The following DNAJC5B variants were observed in gnomAD, a reference collection of about 807,000 sequenced individuals.
DNAJC5B encodes the protein DnaJ heat shock protein family (Hsp40) member C5 beta, also known as dnaJ homolog subfamily C member 5B.
DNAJC5B carries 23 observed loss-of-function variants against 24.7 expected under a neutral mutation model. The observed-to-expected ratio is 0.93, with a 90% confidence interval of 0.67 to 1.32. DNAJC5B has a LOEUF of 1.32. Among genes scored for constraint, DNAJC5B ranks in the 40% most tolerant of loss-of-function variants. DNAJC5B has a pLI of 0.00. For missense variants in DNAJC5B, 238 were observed against 240.8 expected (o/e 0.99, Z 0.08); for synonymous variants, 101 against 90.1 (o/e 1.12, Z -0.68).
At chr8:66,077,350 A>G (rs1178192336) in intron 4 of DNAJC5B, among the ~76,000 whole-genome samples, 1 of 152,068 alleles carries the variant, frequency 6.6e-6, no homozygotes, top group Non-Finnish European at 1.5e-5. Flanking sequence ...AATTAGGGGG[A>G]AAAGGTGAGA....
At position 66,100,890 on chromosome 8, in the gene DNAJC5B, T is replaced by C. The variant is rs1808059967; in HGVS notation, c.*859T>C. On this transcript the variant is annotated 3_prime_UTR_variant, in exon 6 of 6. Transcript: ENST00000276570. ...CTCATTTTTGTTAAAATTAGTTGCCTTGACCAGAAATTGCTCAGCTCTGTG... is the reference window on the plus strand; with the variant it reads ...CTCATTTTTGTTAAAATTAGTTGCCCTGACCAGAAATTGCTCAGCTCTGTG... 1.3e-5 allele frequency among the ~76,000 whole-genome samples: 2 copies of C among 152,202 alleles called. No homozygotes were observed. The highest frequency in any genetic ancestry group is 4.1e-4 in the South Asian group (2 of 4,836).
At chr8:66,095,281 C>T (rs1807925549) in intron 5 of DNAJC5B, among the ~76,000 whole-genome samples, 1 of 151,956 alleles carries the variant, frequency 6.6e-6, no homozygotes, top group Non-Finnish European at 1.5e-5. Context: ...TTAGGTTTCC[C>T]TTCTTTTTTA....
In DNAJC5B at chr8:66,061,589, TAG is replaced by T. The variant is rs565078426; in HGVS notation, c.119+9944_119+9945del. 4.9e-3 allele frequency among the ~76,000 whole-genome samples: 693 copies of T among 142,558 alleles called. 6 individuals carry two copies. Among genetic ancestry groups the T allele is most frequent in the African/African-American group, 0.014 (543 of 38,518 alleles). The allele number at this position is 142,558 out of a possible 152,430, so 93.5% of individuals were successfully genotyped here. On this transcript the variant is annotated intron_variant, in intron 3 of 5. Transcript: ENST00000276570. ...GAGTATGTGAATGAGAAAGAATGGA[TAG>T]AGAGAGAGAGAGAGAGAGAGTGTGT...
intron 2 of DNAJC5B, among the ~76,000 whole-genome samples, chr8:66,046,587 C>G (rs1806728045): frequency 6.6e-6 from 1 of 152,230 alleles, no homozygotes; most frequent in Non-Finnish European, 1.5e-5. Flanking sequence ...CAAAACTTGC[C>G]TGTGTGAACC....
At chr8:66,064,741 T>C (rs1285758746) in intron 3 of DNAJC5B, among the ~76,000 whole-genome samples, 1 of 152,156 alleles carries the variant, frequency 6.6e-6, no homozygotes, top group African/African-American at 2.4e-5. Context: ...TACACAGAAA[T>C]CTTAGTGGCG....
chr8:66,088,287 G>A (rs982875912), intron 5 of DNAJC5B, among the ~76,000 whole-genome samples: 2 of 152,194 alleles, frequency 1.3e-5, no homozygotes, highest in Non-Finnish European at 2.9e-5. Context: ...ACCAAGTCTT[G>A]AAGCTGCACA....
intron 5 of DNAJC5B, among the ~76,000 whole-genome samples, chr8:66,087,661 G>A (rs992651525): frequency 6.6e-6 from 1 of 152,194 alleles, no homozygotes; most frequent in African/African-American, 2.4e-5. Context: ...GGAGAAACTG[G>A]TCAAAACAAA....
intron 3 of DNAJC5B, among the ~76,000 whole-genome samples, chr8:66,065,322 T>C (rs957900514): frequency 6.6e-6 from 1 of 152,248 alleles, no homozygotes; most frequent in African/African-American, 2.4e-5. Context: ...GAGAAAATCA[T>C]AGGATTGTGT....
chr8:66,060,369 G>T (rs1229279094), intron 3 of DNAJC5B, among the ~76,000 whole-genome samples: 8 of 152,170 alleles, frequency 5.3e-5, no homozygotes, highest in Admixed American at 1.3e-4. Context: ...TACCCAGCTG[G>T]GGCTGTCACA....
At chr8:66,084,837 TG>T (rs751824502) in intron 5 of DNAJC5B, among the ~76,000 whole-genome samples, 2 of 152,232 alleles carry the variant, frequency 1.3e-5, no homozygotes, top group African/African-American at 2.4e-5. Flanking sequence ...ATTTATCAGT[TG>T]TTTTTTAAGT....
intron 4 of DNAJC5B, among the ~76,000 whole-genome samples, chr8:66,079,476 G>T (rs1244137786): frequency 6.6e-6 from 1 of 152,210 alleles, no homozygotes; most frequent in African/African-American, 2.4e-5. Context: ...TCATAGAAGG[G>T]ATCTTTAAGA....
At chr8:66,027,610 T>C (rs1193249337) in intron 1 of DNAJC5B, among the ~76,000 whole-genome samples, 1 of 152,212 alleles carries the variant, frequency 6.6e-6, no homozygotes, top group Non-Finnish European at 1.5e-5. Flanking sequence ...TTTTAGCCAG[T>C]TGAGAAGACA....
At chr8:66,091,595 A>G (rs1426268272) in intron 5 of DNAJC5B, among the ~76,000 whole-genome samples, 1 of 152,154 alleles carries the variant, frequency 6.6e-6, no homozygotes. Context: ...CGAATGAAGC[A>G]GAAGTTGTGC....
intron 1 of DNAJC5B, among the ~76,000 whole-genome samples, chr8:66,030,260 A>G (rs763600113): frequency 6.6e-6 from 1 of 152,170 alleles, no homozygotes; most frequent in Non-Finnish European, 1.5e-5. Context: ...TGACCAGAAA[A>G]TCAACTGTGT....
intron 3 of DNAJC5B, among the ~76,000 whole-genome samples, chr8:66,059,759 G>C (rs548383205): frequency 1.3e-5 from 2 of 152,334 alleles, no homozygotes; most frequent in Admixed American, 1.3e-4. Flanking sequence ...CCCTGTAGCT[G>C]ATGCTGCTTT....
chr8:66,082,194 A>G (rs1807610937), intron 5 of DNAJC5B, among the ~76,000 whole-genome samples: 1 of 152,052 alleles, frequency 6.6e-6, no homozygotes, highest in Non-Finnish European at 1.5e-5. Context: ...TCAGTCACTG[A>G]CAGGACCAGA....
At chr8:66,064,510 G>A (rs1489710978) in intron 3 of DNAJC5B, among the ~76,000 whole-genome samples, 1 of 152,152 alleles carries the variant, frequency 6.6e-6, no homozygotes, top group African/African-American at 2.4e-5. Flanking sequence ...CTCCTACACC[G>A]CAGTCTTATC....
At chr8:66,064,237 G>A (rs746608011) in intron 3 of DNAJC5B, among the ~76,000 whole-genome samples, 3 of 152,180 alleles carry the variant, frequency 2.0e-5, no homozygotes, top group Non-Finnish European at 4.4e-5. Context: ...AAGATCAGAG[G>A]ATAATGCTGT....
chr8:66,047,504 T>G (rs1806746575), intron 2 of DNAJC5B, among the ~76,000 whole-genome samples: 1 of 152,210 alleles, frequency 6.6e-6, no homozygotes, highest in Non-Finnish European at 1.5e-5. Flanking sequence ...CCATTTTAAC[T>G]CTCAGAAAAC....
Sources: allele counts gnomAD v4.1 joint callset (sites outside exome capture counted in the v4.1 genomes callset), GRCh38; gene constraint gnomAD v4.1.1; transcripts MANE v1.5; gene names NCBI Gene and HGNC (gene_info 2026-07-23, HGNC 2026-07-21).